PDE10A: variants seen among roughly 807,000 people sequenced by gnomAD.
The protein encoded by PDE10A is phosphodiesterase 10A, also known as cAMP and cAMP-inhibited cGMP 3',5'-cyclic phosphodiesterase 10A.
PDE10A carries 39 observed loss-of-function variants against 97.7 expected under a neutral mutation model. That is an observed-to-expected ratio of 0.40 (90% confidence interval 0.31 to 0.52). PDE10A has a LOEUF of 0.52. Ranked by LOEUF, PDE10A falls within the 20% of genes least tolerant of loss-of-function variation. PDE10A has a pLI of 0.56. For synonymous variants in PDE10A, 371 were observed against 376.8 expected, an observed-to-expected ratio of 0.98 and a Z score of 0.18; for missense variants, 731 against 1,047.8, an observed-to-expected ratio of 0.70 and a Z score of 4.17.
At chr6:165,459,276 G>T (rs1378125388) in intron 3 of PDE10A, among the ~76,000 whole-genome samples, 1 of 151,952 alleles carries the variant, frequency 6.6e-6, no homozygotes, top group Non-Finnish European at 1.5e-5. Flanking sequence ...GCCCAGATTT[G>T]GCAAGCAGAA....
At chr6:165,527,664 G>A (rs1172176042) in intron 2 of PDE10A, among the ~76,000 whole-genome samples, 1 of 152,188 alleles carries the variant, frequency 6.6e-6, no homozygotes, top group African/African-American at 2.4e-5. Context: ...GCCATAAAGT[G>A]GGTCATGCAC....
At chr6:165,763,629 T>C (rs1793304914) in intron 1 of PDE10A, among the ~76,000 whole-genome samples, 1 of 152,198 alleles carries the variant, frequency 6.6e-6, no homozygotes, top group Non-Finnish European at 1.5e-5. Context: ...AGCCTTGAGA[T>C]TCTGTTTAAA....
In PDE10A at chr6:165,627,101, C is replaced by T. The variant is rs1372369182; in HGVS notation, c.865+34846G>A. Among the ~76,000 whole-genome samples, 4 of 152,322 alleles carry T rather than the reference C, an allele frequency of 2.6e-5. No homozygotes were observed. The East Asian group carries it at 5.8e-4, about 22-fold the overall frequency. On this transcript the variant is annotated intron_variant, in intron 1 of 21. Transcript: ENST00000539869. ...TCACTTCCCATTGGTTCGAAAACTA[C>T]CCAATTGCCTTAGGTGCACAAAGAA...
At chr6:165,382,865 T>G (rs536338398) in intron 17 of PDE10A, among the ~76,000 whole-genome samples, 2 of 152,296 alleles carry the variant, frequency 1.3e-5, no homozygotes, top group South Asian at 4.1e-4. Flanking sequence ...ACCTTTTCTA[T>G]TCAGAACACA....
At chr6:165,426,377 T>C (rs910624409) in intron 10 of PDE10A, among the ~76,000 whole-genome samples, 5 of 152,002 alleles carry the variant, frequency 3.3e-5, no homozygotes, top group Admixed American at 6.6e-5. Flanking sequence ...AGAAAGAAAA[T>C]GGCATTTTAT....
At chr6:165,887,857 A>G (rs1377089625) in intron 1 of PDE10A, among the ~76,000 whole-genome samples, 4 of 152,176 alleles carry the variant, frequency 2.6e-5, no homozygotes, top group Non-Finnish European at 5.9e-5. Flanking sequence ...TTAAATTCCA[A>G]TGACATCATT....
chr6:165,857,242 G>C (rs369615554), intron 1 of PDE10A, among the ~76,000 whole-genome samples: 4 of 152,150 alleles, frequency 2.6e-5, no homozygotes, highest in Admixed American at 6.5e-5. Context: ...ATCTCAGTCG[G>C]CTAAGTATGC....
chr6:165,414,767 C>T (rs910987412), intron 12 of PDE10A, among the ~76,000 whole-genome samples: 11 of 152,178 alleles, frequency 7.2e-5, no homozygotes, highest in African/African-American at 2.4e-4. Flanking sequence ...TTTTCCCAAG[C>T]GGTTGTACCA....
intron 1 of PDE10A, among the ~76,000 whole-genome samples, chr6:165,786,090 C>T (rs551152102): frequency 4.6e-5 from 7 of 152,292 alleles, no homozygotes; most frequent in African/African-American, 1.2e-4. Flanking sequence ...TCCAGAATAA[C>T]GTTTTAGCTA....
At chr6:165,804,093 A>C (rs1779051619) in intron 1 of PDE10A, among the ~76,000 whole-genome samples, 1 of 152,214 alleles carries the variant, frequency 6.6e-6, no homozygotes, top group African/African-American at 2.4e-5. Flanking sequence ...ACGGGAAGGA[A>C]CCCGTCCTTA....
At chr6:165,458,406 G>A (rs1454152078) in intron 3 of PDE10A, among the ~76,000 whole-genome samples, 1 of 152,054 alleles carries the variant, frequency 6.6e-6, no homozygotes. Flanking sequence ...ACCCTGTGAG[G>A]ACACGGCAAG....
intron 2 of PDE10A, among the ~76,000 whole-genome samples, chr6:165,538,228 T>C (rs1783215021): frequency 6.6e-6 from 1 of 152,096 alleles, no homozygotes; most frequent in Non-Finnish European, 1.5e-5. Context: ...GAAAAACATA[T>C]ACTAACTACA....
intron 13 of PDE10A, among the ~76,000 whole-genome samples, chr6:165,406,166 C>T (rs1412895855): frequency 1.3e-5 from 2 of 150,172 alleles, no homozygotes; most frequent in African/African-American, 4.9e-5. Flanking sequence ...AAAAATAATT[C>T]AGTTTAAGAA....
At chr6:165,807,414 G>A (rs1371007702) in intron 1 of PDE10A, among the ~76,000 whole-genome samples, 1 of 152,066 alleles carries the variant, frequency 6.6e-6, no homozygotes. Context: ...GCATCACTCT[G>A]AGTTCAGCCT....
chr6:165,610,312 G>A (rs1005240867), intron 1 of PDE10A, among the ~76,000 whole-genome samples: 1 of 152,194 alleles, frequency 6.6e-6, no homozygotes, highest in African/African-American at 2.4e-5. Context: ...GGGAGGCCAA[G>A]GTGGGCGGAT....
At chr6:165,800,499 G>A (rs1467002209) in intron 1 of PDE10A, among the ~76,000 whole-genome samples, 4 of 152,124 alleles carry the variant, frequency 2.6e-5, no homozygotes, top group Non-Finnish European at 4.4e-5. Flanking sequence ...ACATCAGGCC[G>A]AGTGCCACAG....
intron 1 of PDE10A, among the ~76,000 whole-genome samples, chr6:165,794,620 C>T (rs1326878329): frequency 6.6e-6 from 1 of 152,056 alleles, no homozygotes; most frequent in Non-Finnish European, 1.5e-5. Context: ...CTCACATACA[C>T]ATGTATCTCA....
At chr6:165,695,379 T>G (rs1023527044) in intron 1 of PDE10A, among the ~76,000 whole-genome samples, 2 of 152,216 alleles carry the variant, frequency 1.3e-5, no homozygotes, top group Non-Finnish European at 2.9e-5. Flanking sequence ...AATGCACCTC[T>G]GTTCCCTTCT....
intron 18 of PDE10A, among the ~76,000 whole-genome samples, chr6:165,364,593 G>A (rs932184209): frequency 6.6e-6 from 1 of 152,114 alleles, no homozygotes; most frequent in Non-Finnish European, 1.5e-5. Flanking sequence ...GTAGAGTGGT[G>A]GCAGACTTTT....
Sources: gnomAD v4.1 joint callset for allele counts (sites outside exome capture counted in the v4.1 genomes callset) on GRCh38, gnomAD v4.1.1 for gene constraint, MANE v1.5 for transcripts, NCBI Gene and HGNC (gene_info 2026-07-23, HGNC 2026-07-21) for gene names.